PDE10A: variants seen among roughly 807,000 people sequenced by gnomAD.
PDE10A encodes the protein phosphodiesterase 10A.
Under a neutral mutation model 97.7 loss-of-function variants are expected in PDE10A, and 39 were observed. The observed-to-expected ratio is 0.40, with a 90% CI of 0.31 to 0.52. PDE10A has a LOEUF of 0.52. PDE10A is among the 20% of genes least tolerant of loss of function. PDE10A has a pLI of 0.56. For missense variants in PDE10A, 731 were observed against 1,047.8 expected (o/e 0.70, Z 4.17); for synonymous variants, 371 against 376.8 (o/e 0.98, Z 0.18).
At chr6:165,765,376 A>T (rs6456010) in intron 1 of PDE10A, among the ~76,000 whole-genome samples, 111,475 of 137,412 alleles carry the variant, frequency 0.81, 43,964 homozygotes, top group Admixed American at 0.85. Flanking sequence ...ACAGGAGCCC[A>T]CGGAGGCGGG....
intron 18 of PDE10A, among the ~76,000 whole-genome samples, chr6:165,366,163 A>G (rs546478175): frequency 6.6e-6 from 1 of 152,240 alleles, no homozygotes; most frequent in African/African-American, 2.4e-5. Context: ...ATCAAATACT[A>G]CCTTAAAAAT....
chr6:165,680,482 C>T (rs1344891041), intron 1 of PDE10A, among the ~76,000 whole-genome samples: 2 of 152,188 alleles, frequency 1.3e-5, no homozygotes, highest in East Asian at 1.9e-4. Flanking sequence ...TAAATGGAGT[C>T]TTGTTTATAT....
intron 1 of PDE10A, among the ~76,000 whole-genome samples, chr6:165,757,463 G>A (rs1300676318): frequency 6.6e-6 from 1 of 151,864 alleles, no homozygotes; most frequent in Non-Finnish European, 1.5e-5. Flanking sequence ...TTTCTATGCC[G>A]ACTTTATAAA....
intron 1 of PDE10A, among the ~76,000 whole-genome samples, chr6:165,621,661 C>G (rs1433043978): frequency 6.6e-6 from 1 of 151,994 alleles, no homozygotes; most frequent in Non-Finnish European, 1.5e-5. Context: ...GAGGCTGAGG[C>G]ACCAGAATCG....
chr6:165,958,567 CAGACAGAA>C lies in PDE10A; in HGVS notation c.-615+28954_-615+28961del, dbSNP rs1191526593. 5.2e-4 allele frequency among the ~76,000 whole-genome samples: 3 copies of C among 5,756 alleles called. No homozygotes were observed. In the East Asian group the frequency reaches 0.021, roughly 41 times the overall value. 3.8% of individuals were successfully genotyped at this position (5,756 alleles called of 152,430 possible). On this transcript the variant is annotated intron_variant, in intron 1 of 19. Transcript: ENST00000366882. Reference sequence around the variant, plus strand: ...AAAGAAAGAAAGAAAGAAAGAAAGACAGACAGAAAGAAAGACAGAAAGAGAGAAAGAAA... The same window carrying C: ...AAAGAAAGAAAGAAAGAAAGAAAGACAGAAAGACAGAAAGAGAGAAAGAAA...
chr6:165,672,138 G>A (rs2128436678), intron 1 of PDE10A, among the ~76,000 whole-genome samples: 1 of 152,318 alleles, frequency 6.6e-6, no homozygotes, highest in African/African-American at 2.4e-5. Flanking sequence ...TTCATTGACA[G>A]TAAAGATTTC....
intron 1 of PDE10A, among the ~76,000 whole-genome samples, chr6:165,730,471 G>C (rs1048285972): frequency 6.6e-6 from 1 of 152,190 alleles, no homozygotes; most frequent in Non-Finnish European, 1.5e-5. Context: ...AGATGACAAG[G>C]CCGGGAGAGG....
chr6:165,448,820 T>C, intron 5 of PDE10A, 108 bp downstream of exon 5: 2 of 689,270 alleles, frequency 2.9e-6, no homozygotes, highest in Non-Finnish European at 2.5e-6. Flanking sequence ...ACAAAATGAT[T>C]TAAATGAAAA....
At chr6:165,972,961 CCTT>C (rs74273796) in intron 1 of PDE10A, among the ~76,000 whole-genome samples, 1,759 of 152,152 alleles carry the variant, frequency 0.012, 17 homozygotes, top group Non-Finnish European at 0.018. Flanking sequence ...CACCCTCTCT[CCTT>C]CTCTCTTCTC....
intron 1 of PDE10A, among the ~76,000 whole-genome samples, chr6:165,622,026 C>A (rs758834007): frequency 1.3e-5 from 2 of 152,204 alleles, no homozygotes; most frequent in Non-Finnish European, 2.9e-5. Context: ...TATAATGTGT[C>A]ATCCAATCAG....
At chr6:165,501,336 C>T (rs1780869010) in intron 2 of PDE10A, among the ~76,000 whole-genome samples, 1 of 152,142 alleles carries the variant, frequency 6.6e-6, no homozygotes, top group South Asian at 2.1e-4. Flanking sequence ...CCCAGGCAGG[C>T]AGATCACGAG....
intron 16 of PDE10A, among the ~76,000 whole-genome samples, chr6:165,390,812 G>A (rs1785654804): frequency 1.3e-5 from 2 of 152,112 alleles, no homozygotes; most frequent in Non-Finnish European, 2.9e-5. Flanking sequence ...GGTTTTTCCC[G>A]CCACATAATT....
intron 1 of PDE10A, among the ~76,000 whole-genome samples, chr6:165,787,101 C>T (rs1405823832): frequency 3.3e-5 from 5 of 151,614 alleles, no homozygotes; most frequent in South Asian, 2.1e-4. Flanking sequence ...AAATTACAAA[C>T]GTGAATAAAA....
intron 1 of PDE10A, among the ~76,000 whole-genome samples, chr6:165,602,025 TAA>T (rs569486203): frequency 1.4e-3 from 215 of 152,320 alleles, no homozygotes; most frequent in African/African-American, 4.8e-3. Context: ...GTTAATAAGA[TAA>T]GTTTGTCCTT....
At chr6:165,877,600 T>C (rs1410796666) in intron 1 of PDE10A, among the ~76,000 whole-genome samples, 4 of 152,180 alleles carry the variant, frequency 2.6e-5, no homozygotes, top group African/African-American at 9.7e-5. Flanking sequence ...ATATGCATAA[T>C]TGTGAAATGG....
intron 1 of PDE10A, among the ~76,000 whole-genome samples, chr6:165,643,377 C>G (rs1245036313): frequency 6.6e-6 from 1 of 152,086 alleles, no homozygotes; most frequent in African/African-American, 2.4e-5. Context: ...TAAAGAGTCT[C>G]CCACATTCAC....
chr6:165,657,855 G>A (rs917226899), intron 1 of PDE10A, among the ~76,000 whole-genome samples: 2 of 152,142 alleles, frequency 1.3e-5, no homozygotes, highest in African/African-American at 2.4e-5. Flanking sequence ...ACCCTTCCAC[G>A]GAGGACTGTG....
At chr6:165,487,497 T>G (rs1481983642) in intron 2 of PDE10A, among the ~76,000 whole-genome samples, 1 of 152,166 alleles carries the variant, frequency 6.6e-6, no homozygotes, top group East Asian at 1.9e-4. Flanking sequence ...GTAACATGCT[T>G]GAATCATCCT....
intron 1 of PDE10A, among the ~76,000 whole-genome samples, chr6:165,719,505 T>C (rs545857860): frequency 6.6e-6 from 1 of 152,334 alleles, no homozygotes; most frequent in East Asian, 1.9e-4. Context: ...GTTGAACATG[T>C]TGTGGTAGGA....
Sources: allele counts gnomAD v4.1 joint callset (sites outside exome capture counted in the v4.1 genomes callset), GRCh38; gene constraint gnomAD v4.1.1; transcripts MANE v1.5; gene names NCBI Gene and HGNC (gene_info 2026-07-23, HGNC 2026-07-21).